The following THSD7B variants were observed in gnomAD, a reference collection of about 807,000 sequenced individuals.
THSD7B encodes thrombospondin type 1 domain containing 7B.
THSD7B carries 138 observed loss-of-function variants against 213.6 expected under a neutral mutation model. That is an observed-to-expected ratio of 0.65 (90% CI 0.56 to 0.74). The LOEUF (loss-of-function observed/expected upper bound fraction) is 0.74. Among genes scored for constraint, THSD7B ranks in the 30% least tolerant of loss-of-function variants. The pLI, the probability that THSD7B is intolerant of heterozygous loss-of-function variation, is 0.00. For synonymous variants in THSD7B, 742 were observed against 687.0 expected, an observed-to-expected ratio of 1.08 and a Z score of -1.25; for missense variants, 1,931 against 1,991.5, an observed-to-expected ratio of 0.97 and a Z score of 0.58.
chr2:137,567,037 A>G (rs1681252098), intron 16 of THSD7B, among the ~76,000 whole-genome samples: 1 of 152,172 alleles, frequency 6.6e-6, no homozygotes, highest in Non-Finnish European at 1.5e-5. Flanking sequence ...GCTGTCCCAT[A>G]TGACTAGTGT....
At position 137,171,041 on chromosome 2, in the gene THSD7B, G is replaced by A. The variant is rs1573866110; in HGVS notation, c.1723+103G>A. The A allele has an allele frequency of 1.2e-5, 15 of 1,239,776 alleles. No homozygotes were observed. The East Asian group carries it at 2.5e-4, about 21-fold the overall frequency. The allele number at this position is 1,239,776 out of a possible 1,614,324, so 76.8% of individuals were successfully genotyped here. Reference sequence around the variant, plus strand: ...CATTCTCATGAGGAAGAGAAGCACAGCCTTTCTTATCCTTGAATATTTATG... The same window carrying A: ...CATTCTCATGAGGAAGAGAAGCACAACCTTTCTTATCCTTGAATATTTATG... On this transcript the variant is annotated intron_variant, in intron 7 of 27. Coordinates refer to ENST00000409968, the MANE Select transcript of THSD7B (RefSeq NM_001316349.2).
intron 12 of THSD7B, among the ~76,000 whole-genome samples, chr2:137,278,830 A>G (rs1682932891): frequency 6.6e-6 from 1 of 152,146 alleles, no homozygotes. Context: ...ATTCATAGAA[A>G]CGTTTGCAAA....
intron 5 of THSD7B, among the ~76,000 whole-genome samples, chr2:137,154,403 A>G (rs1679872812): frequency 6.6e-6 from 1 of 152,162 alleles, no homozygotes; most frequent in Non-Finnish European, 1.5e-5. Context: ...AGATATATTT[A>G]AAAACAAGAA....
chr2:136,847,972 A>G (rs1350232908), intron 1 of THSD7B, among the ~76,000 whole-genome samples: 1 of 152,096 alleles, frequency 6.6e-6, no homozygotes, highest in Non-Finnish European at 1.5e-5. Context: ...TTCCCCTCAC[A>G]CCATACTGGG....
At chr2:136,898,336 G>A (rs1051959476) in intron 2 of THSD7B, among the ~76,000 whole-genome samples, 17 of 152,010 alleles carry the variant, frequency 1.1e-4, no homozygotes, top group African/African-American at 3.9e-4. Flanking sequence ...TTAGAGTTTT[G>A]ACTTCTAAGA....
intron 15 of THSD7B, among the ~76,000 whole-genome samples, chr2:137,532,309 G>C (rs1680412805): frequency 6.6e-6 from 1 of 151,772 alleles, no homozygotes; most frequent in Non-Finnish European, 1.5e-5. Flanking sequence ...TTACTGACTT[G>C]ATTCCTAAAA....
chr2:137,264,043 T>G (rs1034511286), intron 10 of THSD7B, among the ~76,000 whole-genome samples: 1 of 152,200 alleles, frequency 6.6e-6, no homozygotes. Flanking sequence ...AATGCATGTA[T>G]GTACATTTCA....
intron 13 of THSD7B, among the ~76,000 whole-genome samples, chr2:137,408,875 AAGG>A (rs536352908): frequency 2.1e-3 from 318 of 152,284 alleles, no homozygotes; most frequent in Middle Eastern, 0.017. Flanking sequence ...TTTTGATCTG[AAGG>A]AGAAGTAGGC....
chr2:137,073,212 C>A (rs528768168), intron 3 of THSD7B, among the ~76,000 whole-genome samples: 1 of 152,070 alleles, frequency 6.6e-6, no homozygotes, highest in Non-Finnish European at 1.5e-5. Context: ...TGGTAGAATT[C>A]GGCTGTGAAT....
At chr2:137,640,857 G>A (rs1218233401) in intron 20 of THSD7B, among the ~76,000 whole-genome samples, 1 of 152,150 alleles carries the variant, frequency 6.6e-6, no homozygotes, top group Non-Finnish European at 1.5e-5. Context: ...TGTCTGTGAA[G>A]TACCATGTTA....
At chr2:137,619,316 G>T (rs1301872507) in intron 19 of THSD7B, among the ~76,000 whole-genome samples, 1 of 152,190 alleles carries the variant, frequency 6.6e-6, no homozygotes, top group Non-Finnish European at 1.5e-5. Context: ...CTTAAGAGAG[G>T]TGGAATACAT....
intron 6 of THSD7B, among the ~76,000 whole-genome samples, chr2:137,161,118 A>T (rs1573860329): frequency 1.3e-5 from 2 of 152,206 alleles, no homozygotes; most frequent in African/African-American, 4.8e-5. Context: ...CTTGGGCTTA[A>T]GGAAAAATCT....
chr2:136,958,366 A>G (rs142215826), intron 2 of THSD7B, among the ~76,000 whole-genome samples: 218 of 152,320 alleles, frequency 1.4e-3, no homozygotes, highest in African/African-American at 5.0e-3. Context: ...TCGCAAGCAA[A>G]TATGATTTAA....
intron 4 of THSD7B, among the ~76,000 whole-genome samples, chr2:137,106,200 A>G (rs1313403787): frequency 6.6e-6 from 1 of 152,208 alleles, no homozygotes; most frequent in East Asian, 1.9e-4. Context: ...AAACAGATAT[A>G]TAGACCAATG....
At chr2:137,019,439 T>C (rs1686400754) in intron 2 of THSD7B, among the ~76,000 whole-genome samples, 1 of 152,242 alleles carries the variant, frequency 6.6e-6, no homozygotes, top group South Asian at 2.1e-4. Flanking sequence ...AACTCCTGTG[T>C]GTAACCGAGC....
chr2:137,049,669 A>C (rs62171224), intron 2 of THSD7B, among the ~76,000 whole-genome samples: 32,258 of 152,092 alleles, frequency 0.21, 3,695 homozygotes, highest in African/African-American at 0.31. Flanking sequence ...CAGCAGTTTG[A>C]CTGATGTTCT....
chr2:137,427,693 G>A (rs1021662631), intron 14 of THSD7B, among the ~76,000 whole-genome samples: 2 of 152,030 alleles, frequency 1.3e-5, no homozygotes, highest in Admixed American at 6.6e-5. Flanking sequence ...GGGTATTAGG[G>A]GAATGCTGAT....
rs1688012154 is a variant in THSD7B at position 137,094,898 on chromosome 2, T to C, written c.976T>C (p.Leu326=). Reference sequence around the variant, plus strand: ...CCTTTGCCTTCAAGATTCCTTCCCATTGACTGTTCAGTCCTGCATCATGCC... The same window carrying C: ...CCTTTGCCTTCAAGATTCCTTCCCACTGACTGTTCAGTCCTGCATCATGCC... ...LSLCLQDSFP[L]TVQSCIMPKD... is the part of the protein sequence containing the mutation. The change falls in exon 4 of 28, where the codon TTG becomes CTG. Residue 326 remains leucine, a synonymous_variant. Transcript: ENST00000409968. 1 of 1,613,650 alleles carries C rather than the reference T, an allele frequency of 6.2e-7. No homozygotes were observed. Among genetic ancestry groups the C allele is most frequent in the Non-Finnish European group, 8.5e-7 (1 of 1,179,646 alleles).
chr2:136,868,501 T>C (rs1444362892), intron 1 of THSD7B, among the ~76,000 whole-genome samples: 1 of 152,220 alleles, frequency 6.6e-6, no homozygotes, highest in African/African-American at 2.4e-5. Flanking sequence ...AATAAATTTC[T>C]TTGCAACAAT....
Sources: allele counts gnomAD v4.1 joint callset (sites outside exome capture counted in the v4.1 genomes callset), GRCh38; gene constraint gnomAD v4.1.1; transcripts MANE v1.5; gene names NCBI Gene and HGNC (gene_info 2026-07-23, HGNC 2026-07-21).